Variants in CCM2 observed in about 807,000 individuals in gnomAD.
CCM2 encodes the protein cerebral cavernous malformations 2 protein.
In CCM2, 25 loss-of-function variants were observed where a neutral mutation model predicts 44.9. The ratio of observed to expected loss-of-function variants is 0.56; its 90% confidence interval spans 0.41 to 0.78. CCM2 has a LOEUF of 0.78. CCM2 is among the 30% of genes least tolerant of loss of function. The pLI is 0.00. For synonymous variants in CCM2, 219 were observed against 241.1 expected, an observed-to-expected ratio of 0.91 and a Z score of 0.85; for missense variants, 481 against 580.6, an observed-to-expected ratio of 0.83 and a Z score of 1.76.
chr7:45,018,625 C>T (rs1282949695), intron 1 of CCM2, among the ~76,000 whole-genome samples: 1 of 151,946 alleles, frequency 6.6e-6, no homozygotes, highest in Non-Finnish European at 1.5e-5. Context: ...CCTCCCAAGG[C>T]GTGAGCCACC....
At chr7:45,049,852 A>G (rs1797918951) in intron 2 of CCM2, among the ~76,000 whole-genome samples, 1 of 152,260 alleles carries the variant, frequency 6.6e-6, no homozygotes, top group Non-Finnish European at 1.5e-5. Context: ...AAAGTATTCA[A>G]AAAAAGAACA....
chr7:45,023,187 GT>G, intron 1 of CCM2, among the ~76,000 whole-genome samples: 1 of 152,224 alleles, frequency 6.6e-6, no homozygotes, highest in African/African-American at 2.4e-5. Flanking sequence ...TGTAGCCATA[GT>G]TTAGCTCCCA....
intron 2 of CCM2, among the ~76,000 whole-genome samples, chr7:45,041,272 A>G (rs1164296117): frequency 6.6e-6 from 1 of 152,280 alleles, no homozygotes; most frequent in Middle Eastern, 3.2e-3. Context: ...ATCATTAAAA[A>G]TGAAAACTTA....
chr7:45,017,274 G>A (rs1232915228), intron 1 of CCM2, among the ~76,000 whole-genome samples: 1 of 152,156 alleles, frequency 6.6e-6, no homozygotes, highest in Non-Finnish European at 1.5e-5. Context: ...TTATATTCAG[G>A]CCCCATACCT....
chr7:45,021,512 T>C (rs1222621805), intron 1 of CCM2, among the ~76,000 whole-genome samples: 1 of 150,962 alleles, frequency 6.6e-6, no homozygotes, highest in African/African-American at 2.4e-5. Context: ...TGCAGTGAGC[T>C]GAGATCGCGC....
intron 1 of CCM2, among the ~76,000 whole-genome samples, chr7:45,035,189 A>C (rs905154468): frequency 1.3e-5 from 2 of 152,210 alleles, no homozygotes; most frequent in South Asian, 2.1e-4. Context: ...TCATCTTGTA[A>C]GGATGTTGGT....
intron 5 of CCM2, 63 bp from the exon 6 acceptor site, chr7:45,069,763 A>G (rs1798962741): frequency 8.1e-6 from 13 of 1,607,296 alleles, no homozygotes; most frequent in Admixed American, 3.3e-5. Context: ...GTATCCTGGA[A>G]GCCGCCTGGG....
chr7:45,072,714 T>C lies in CCM2; in HGVS notation c.746-12T>C. On this transcript the variant is annotated splice_polypyrimidine_tract_variant and intron_variant, in intron 6 of 9. Transcript: ENST00000258781. ...CTGAAAGTCATCTTAGTTTTCTGCA[T>C]CTTCCTTACAGATGACTCTTCTACA... 1 of 1,609,704 alleles carries C rather than the reference T, an allele frequency of 6.2e-7. No homozygotes were observed. The highest frequency in any genetic ancestry group is 8.5e-7 in the Non-Finnish European group (1 of 1,176,516).
intron 2 of CCM2, among the ~76,000 whole-genome samples, chr7:45,059,356 G>T (rs1320517232): frequency 1.3e-5 from 2 of 151,610 alleles, no homozygotes; most frequent in African/African-American, 4.9e-5. Flanking sequence ...GCCAAGGCAG[G>T]AGGATCACTT....
intron 2 of CCM2, among the ~76,000 whole-genome samples, chr7:45,041,414 G>C (rs569907105): frequency 6.6e-6 from 1 of 152,268 alleles, no homozygotes; most frequent in South Asian, 2.1e-4. Flanking sequence ...GAAAGGTAAA[G>C]AGAACGCAGA....
At position 45,064,661 on chromosome 7, in the gene CCM2, G is replaced by A; in HGVS notation, c.472+15G>A. 6.2e-7 allele frequency: 1 copy of A among 1,613,380 alleles called. No individual in the cohort carries two copies. Among genetic ancestry groups the A allele is most frequent in the African/African-American group, 1.3e-5 (1 of 75,018 alleles). On this transcript the variant is annotated intron_variant, in intron 4 of 9. Coordinates refer to ENST00000258781, the MANE Select transcript of CCM2 (RefSeq NM_031443.4). ...CCTGAAGACAGGTACAGGAGGTCAG[G>A]GGTCAGGAGGGTCCTTGTCCTAAGG...
chr7:45,072,098 C>T (rs1215486209), intron 6 of CCM2: 5 of 351,366 alleles, frequency 1.4e-5, no homozygotes, highest in South Asian at 4.3e-5. Context: ...AGCTTTCACT[C>T]ACTGTCTGTG....
At chr7:45,004,005 C>A (rs1247553080) in intron 1 of CCM2, among the ~76,000 whole-genome samples, 1 of 152,076 alleles carries the variant, frequency 6.6e-6, no homozygotes, top group Non-Finnish European at 1.5e-5. Context: ...TGTAGTGAGA[C>A]CCTATCTCTA....
At chr7:45,001,218 G>C (rs780801457) in intron 1 of CCM2, among the ~76,000 whole-genome samples, 2 of 152,174 alleles carry the variant, frequency 1.3e-5, no homozygotes, top group Non-Finnish European at 2.9e-5. Flanking sequence ...TTGTTTGACA[G>C]AGTGCCCCAT....
intron 2 of CCM2, among the ~76,000 whole-genome samples, chr7:45,055,809 G>A (rs1236722377): frequency 6.6e-6 from 1 of 152,168 alleles, no homozygotes; most frequent in Non-Finnish European, 1.5e-5. Context: ...AGCCCTTACT[G>A]AAACCATGTT....
intron 1 of CCM2, among the ~76,000 whole-genome samples, chr7:45,018,261 G>A (rs961459674): frequency 6.6e-6 from 1 of 152,146 alleles, no homozygotes; most frequent in Non-Finnish European, 1.5e-5. Context: ...AACAGGCCAC[G>A]GACCCAGACC....
At chr7:45,009,393 G>T (rs974952170) in intron 1 of CCM2, among the ~76,000 whole-genome samples, 1 of 144,484 alleles carries the variant, frequency 6.9e-6, no homozygotes, top group Non-Finnish European at 1.5e-5. Flanking sequence ...ACTAACGTTG[G>T]CTATACTTGT....
intron 5 of CCM2, among the ~76,000 whole-genome samples, chr7:45,069,403 C>T (rs1421304783): frequency 1.3e-5 from 2 of 152,248 alleles, no homozygotes; most frequent in African/African-American, 2.4e-5. Flanking sequence ...CTGCTTTAGA[C>T]AGCACACTGT....
At chr7:45,060,066 T>C (rs889695284) in intron 2 of CCM2, among the ~76,000 whole-genome samples, 17 of 152,236 alleles carry the variant, frequency 1.1e-4, no homozygotes, top group African/African-American at 4.1e-4. Context: ...CTTTTCCCCT[T>C]CTTTACATAG....
Sources: allele counts gnomAD v4.1 joint callset (sites outside exome capture counted in the v4.1 genomes callset), GRCh38; gene constraint gnomAD v4.1.1; transcripts MANE v1.5; gene names NCBI Gene and HGNC (gene_info 2026-07-23, HGNC 2026-07-21).